INTS6L: variants seen among roughly 807,000 people sequenced by gnomAD.
INTS6L encodes the protein integrator complex subunit 6-like.
Under a neutral mutation model 64.7 loss-of-function variants are expected in INTS6L, and 18 were observed. The ratio of observed to expected loss-of-function variants is 0.28; its 90% CI spans 0.19 to 0.41. The LOEUF (loss-of-function observed/expected upper bound fraction) is 0.41, where lower values mean the gene tolerates loss of function less well. INTS6L is among the 10% of genes least tolerant of loss of function. INTS6L has a pLI of 1.00. For missense variants in INTS6L, 533 were observed against 661.0 expected (o/e 0.81, Z 2.12); for synonymous variants, 227 against 235.9 (o/e 0.96, Z 0.34).
At chrX:135,566,646 G>A (rs181941502) in intron 9 of INTS6L, among the ~76,000 whole-genome samples, 1 of 111,838 alleles carries the variant, frequency 8.9e-6, no homozygotes, top group African/African-American at 3.2e-5. Flanking sequence ...ATAGATAAAC[G>A]AAGCTTAATT....
Position 135,572,990 on chromosome X carries a change from A to G in INTS6L, c.1574A>G (p.Asn525Ser), listed in dbSNP as rs782775483. 31 of 1,209,519 alleles carry G rather than the reference A, an allele frequency of 2.6e-5. No homozygotes were observed. The highest frequency in any genetic ancestry group is 8.7e-5 in the African/African-American group (5 of 57,244). ...GETALRLTEL[N>S]TKEFAGFQIG... is the part of the protein sequence containing the mutation. The stretch of plus-strand genomic sequence containing the variant: ...ACTGCACTTAGACTGACAGAATTGA[A>G]CACCAAAGAATTTGCTGGCTTCCAA... Residue 525 changes from asparagine (N) to serine (S), a missense_variant, in exon 12 of 18, where the codon AAC (asparagine) becomes AGC (serine). By Grantham distance (46) the Asn-to-Ser change is conservative. Transcript: ENST00000639893.
intron 7 of INTS6L, among the ~76,000 whole-genome samples, chrX:135,550,497 C>A (rs1190110282): frequency 9.5e-6 from 1 of 105,212 alleles, no homozygotes; most frequent in African/African-American, 3.5e-5. Flanking sequence ...AACCCACTCT[C>A]TTTTGTCTTC....
At chrX:135,524,244 G>C (rs781865527) in intron 2 of INTS6L, among the ~76,000 whole-genome samples, 9 of 111,083 alleles carry the variant, frequency 8.1e-5, no homozygotes, top group Non-Finnish European at 1.5e-4. Flanking sequence ...TTAAAATTTA[G>C]TCTAGTCTTT....
chrX:135,579,709 T>C (rs918472870), intron 15 of INTS6L, 79 bp from the exon 16 acceptor site: 2 of 1,084,583 alleles, frequency 1.8e-6, no homozygotes, highest in Admixed American at 3.1e-5. Flanking sequence ...TTCCTAGAAA[T>C]TGAGCATCAG....
rs2086333441 is a variant in INTS6L, at chrX:135,545,592, G to A, written c.339+20G>A. On this transcript the variant is annotated intron_variant, in intron 3 of 17. Coordinates refer to ENST00000639893, the MANE Select transcript of INTS6L (RefSeq NM_001351601.3). Reference sequence around the variant, plus strand: ...GGACAGGTAAAAATAATTTGAGTGAGTACAGCTAATTTATTTTGGTGGCTT... The same window carrying A: ...GGACAGGTAAAAATAATTTGAGTGAATACAGCTAATTTATTTTGGTGGCTT... 2 of 1,165,702 alleles carry A rather than the reference G, an allele frequency of 1.7e-6. No individual in the cohort carries two copies. Among genetic ancestry groups the A allele is most frequent in the African/African-American group, 3.6e-5 (2 of 55,261 alleles).
chrX:135,572,791 A>G (rs1426606005), intron 11 of INTS6L, 24 bp from the exon 12 acceptor site: 3 of 1,163,777 alleles, frequency 2.6e-6, no homozygotes, highest in Non-Finnish European at 3.5e-6. Flanking sequence ...TGTTTTTATA[A>G]CATACTATGT....
chrX:135,525,450 A>C (rs2085707458), intron 2 of INTS6L, among the ~76,000 whole-genome samples: 1 of 112,555 alleles, frequency 8.9e-6, no homozygotes, highest in African/African-American at 3.2e-5. Context: ...ATAATGTTTC[A>C]AAGAAATATC....
rs544289955 is a variant in INTS6L at position 135,559,792 on chromosome X, A to G, written c.1192+3492A>G. On this transcript the variant is annotated intron_variant, in intron 9 of 17. Transcript: ENST00000639893. ...AGTGAATCAGTTTCTCTGCATCTTC[A>G]TCAGCCATTGGTGTTGTCAGTATTT... 7.0e-4 allele frequency among the ~76,000 whole-genome samples: 79 copies of G among 112,473 alleles called. 1 individual carries two copies. The South Asian group carries it at 0.028, about 40-fold the overall frequency.
At position 135,580,092 on chromosome X, in the gene INTS6L, T is replaced by C. The variant is rs1556533646; in HGVS notation, c.2424T>C (p.Pro808=). 16 of 1,201,532 alleles carry C rather than the reference T, an allele frequency of 1.3e-5. No individual in the cohort carries two copies. In the Admixed American group the frequency reaches 1.3e-4, roughly 10 times the overall value. The stretch of plus-strand genomic sequence containing the variant: ...TGCCAAATACATTACAAATCACTCC[T>C]GCTATGGCACAAGGAATCAATGCTG... The part of the protein sequence containing the change: ...GAMPNTLQIT[P]AMAQGINADI... Residue 808 remains proline (P), a synonymous_variant, in exon 16 of 18, where the codon CCT becomes CCC. Transcript: ENST00000639893.
At position 135,581,030 on chromosome X, in the gene INTS6L, G is replaced by A. The variant is rs782599999; in HGVS notation, c.2495-20G>A. On this transcript the variant is annotated intron_variant, in intron 16 of 17. Transcript: ENST00000639893. ...CATTCATCTTTATAAAAATACTGAAGTTTTTTTAAATATCTTCAGAATATG... is the reference window on the plus strand; with the variant it reads ...CATTCATCTTTATAAAAATACTGAAATTTTTTTAAATATCTTCAGAATATG... 1 of 1,083,423 alleles carries A rather than the reference G, an allele frequency of 9.2e-7. No homozygotes were observed. The highest frequency in any genetic ancestry group is 1.9e-5 in the African/African-American group (1 of 52,614). The allele number at this position is 1,083,423 out of a possible 1,213,427, so 89.3% of individuals were successfully genotyped here.
At chrX:135,530,136 T>C (rs1556503870) in intron 2 of INTS6L, among the ~76,000 whole-genome samples, 1 of 112,827 alleles carries the variant, frequency 8.9e-6, no homozygotes, top group East Asian at 2.7e-4. Flanking sequence ...CTGTTATTTA[T>C]AGCTGCTTTT....
chrX:135,526,524 A>T (rs12388490), intron 2 of INTS6L, among the ~76,000 whole-genome samples: 13,197 of 111,570 alleles, frequency 0.12, 1,353 homozygotes, highest in African/African-American at 0.34. Context: ...TTGGTTGGCC[A>T]GACATACCTC....
intron 2 of INTS6L, among the ~76,000 whole-genome samples, chrX:135,526,273 C>G (rs1223016086): frequency 9.0e-6 from 1 of 111,314 alleles, no homozygotes; most frequent in Non-Finnish European, 1.9e-5. Context: ...AGTCATTCCC[C>G]TATGAAAAAA....
chrX:135,567,652 G>A (rs1354117757), intron 9 of INTS6L, among the ~76,000 whole-genome samples: 1 of 111,496 alleles, frequency 9.0e-6, no homozygotes, highest in African/African-American at 3.3e-5. Context: ...ACGTTTGTCC[G>A]TTAGTTTCCA....
rs191063214 is a variant in INTS6L at position 135,520,697 on chromosome X, C to T, written c.-296C>T. The T allele has an allele frequency of 2.5e-3, 823 of 323,419 alleles. 7 individuals carry two copies. The highest frequency in any genetic ancestry group is 0.019 in the African/African-American group (733 of 38,377). 26.7% of individuals were successfully genotyped at this position (323,419 alleles called of 1,213,427 possible). Reference sequence around the variant, plus strand: ...GCGCTCTAGTGAGCGCGGACGGATGCTTAGGCAGTAGTCCTGGCAGCGGCA... The same window carrying T: ...GCGCTCTAGTGAGCGCGGACGGATGTTTAGGCAGTAGTCCTGGCAGCGGCA... On this transcript the variant is annotated 5_prime_UTR_variant, in exon 1 of 18. Transcript: ENST00000639893.
intron 6 of INTS6L, among the ~76,000 whole-genome samples, chrX:135,549,242 A>G (rs959016205): frequency 1.1e-4 from 12 of 112,613 alleles, no homozygotes; most frequent in African/African-American, 3.9e-4. Flanking sequence ...CCAGAAATGT[A>G]AAAACTATAC....
chrX:135,546,712 C>G lies in INTS6L; in HGVS notation c.440C>G (p.Pro147Arg), dbSNP rs2086365336. The change falls in exon 5 of 18, where the codon CCT becomes CGT. Residue 147 changes from proline to arginine, a missense_variant. Pro to Arg is a moderately radical substitution (Grantham distance 103, BLOSUM62 -2). Transcript: ENST00000639893. ...TAGVQEELHL[P>R]LNSPLPGSEL... is the part of the protein sequence containing the mutation. ...TTTTTGCCTTATCAGCTCCATCTTC[C>G]TTTGAATTCCCCTCTGCCTGGAAGT... 11 of 1,203,291 alleles carry G rather than the reference C, an allele frequency of 9.1e-6. No homozygotes were observed. Among genetic ancestry groups the G allele is most frequent in the Non-Finnish European group, 1.2e-5 (11 of 891,111 alleles).
rs2087321198 is a variant in INTS6L, at chrX:135,579,669, C to T, written c.2120-119C>T. ...AATTTGAGGGGTCTCAGATCGCCAC[C>T]TGGTATATCATCCTGCTTTATGAGA... is the stretch of plus-strand genomic sequence containing the variant. On this transcript the variant is annotated intron_variant, in intron 15 of 17. Transcript: ENST00000639893. 5 of 1,004,000 alleles carry T rather than the reference C, an allele frequency of 5.0e-6. No individual in the cohort carries two copies. The East Asian group carries it at 1.6e-4, about 31-fold the overall frequency. The allele number at this position is 1,004,000 out of a possible 1,213,427, so 82.7% of individuals were successfully genotyped here.
chrX:135,548,745 A>G (rs2086425262), intron 6 of INTS6L, among the ~76,000 whole-genome samples: 2 of 111,734 alleles, frequency 1.8e-5, no homozygotes, highest in Admixed American at 9.5e-5. Context: ...GTCTAAAGAA[A>G]TTACTTGTTT....
Sources: allele counts gnomAD v4.1 joint callset (sites outside exome capture counted in the v4.1 genomes callset), GRCh38; gene constraint gnomAD v4.1.1; transcripts MANE v1.5; gene names NCBI Gene and HGNC (gene_info 2026-07-23, HGNC 2026-07-21).